The following NXPE4 variants were observed in gnomAD, a reference collection of about 807,000 sequenced individuals.
NXPE4 encodes the protein NXPE family member 4.
In NXPE4, 42 loss-of-function variants were observed where a neutral mutation model predicts 33.3. That is an observed-to-expected ratio of 1.26 (90% CI 0.98 to 1.63). The LOEUF (loss-of-function observed/expected upper bound fraction) is 1.63, where lower values mean the gene tolerates loss of function less well. Ranked by LOEUF, NXPE4 falls within the 40% of genes most tolerant of loss-of-function variation. The probability of loss-of-function intolerance (pLI) is 0.00; values close to 1 mark genes in which losing one functional copy is unlikely to be tolerated. For synonymous variants in NXPE4, 253 were observed against 234.9 expected, an observed-to-expected ratio of 1.08 and a Z score of -0.71; for missense variants, 709 against 647.6, an observed-to-expected ratio of 1.09 and a Z score of -1.03.
At position 114,571,000 on chromosome 11, in the gene NXPE4, C is replaced by T. The variant is rs750428980; in HGVS notation, c.1573G>A (p.Val525Ile). The T allele has an allele frequency of 9.3e-6, 15 of 1,612,814 alleles. No homozygotes were observed. Among genetic ancestry groups the T allele is most frequent in the Admixed American group, 1.7e-5 (1 of 59,948 alleles). The change falls in exon 6 of 6, where the codon GTA becomes ATA. Residue 525 changes from valine to isoleucine, a missense_variant. Coordinates refer to ENST00000375478, the MANE Select transcript of NXPE4 (RefSeq NM_001077639.2). ...DITIAYGTNN[V>I]HPPQHVVGNQ... ...CCGACTACATGTTGAGGTGGGTGTA[C>T]ATTATTTGTGCCATATGCAATTGTT...
the NXPE4 span, among the ~76,000 whole-genome samples, chr11:114,626,386 T>C: frequency 6.6e-6 from 1 of 152,158 alleles, no homozygotes; most frequent in Non-Finnish European, 1.5e-5. Flanking sequence ...CCGAGCAGCC[T>C]AACTGGGAGG....
the NXPE4 span, among the ~76,000 whole-genome samples, chr11:114,620,853 C>A: frequency 6.6e-6 from 1 of 151,990 alleles, no homozygotes; most frequent in Non-Finnish European, 1.5e-5. Context: ...TTGTGGGTAA[C>A]CACTGTTACC....
At chr11:114,619,828 GT>G in the NXPE4 span, among the ~76,000 whole-genome samples, 1 of 151,262 alleles carries the variant, frequency 6.6e-6, no homozygotes, top group Non-Finnish European at 1.5e-5. Context: ...TATAATAAGT[GT>G]TGCCTCGTTG....
chr11:114,622,331 A>G, the NXPE4 span, among the ~76,000 whole-genome samples: 6 of 150,624 alleles, frequency 4.0e-5, no homozygotes, highest in African/African-American at 1.2e-4. Flanking sequence ...CTGTTACCCA[A>G]TGCATCATAA....
At chr11:114,627,668 A>C in the NXPE4 span, among the ~76,000 whole-genome samples, 2 of 151,900 alleles carry the variant, frequency 1.3e-5, no homozygotes, top group African/African-American at 4.8e-5. Context: ...CACACATAAC[A>C]ATATTAACTT....
the NXPE4 span, among the ~76,000 whole-genome samples, chr11:114,609,860 G>A: frequency 2.0e-5 from 3 of 151,478 alleles, no homozygotes; most frequent in Non-Finnish European, 2.9e-5. Flanking sequence ...ATTGCCTCGC[G>A]GGTAACCACT....
At chr11:114,623,149 G>A in the NXPE4 span, among the ~76,000 whole-genome samples, 1 of 152,064 alleles carries the variant, frequency 6.6e-6, no homozygotes, top group Non-Finnish European at 1.5e-5. Flanking sequence ...TGCCTTGTGG[G>A]TAACCAGTGT....
upstream of NXPE4, among the ~76,000 whole-genome samples, chr11:114,596,020 T>C (rs1245882744): frequency 2.6e-5 from 4 of 152,262 alleles, no homozygotes; most frequent in Admixed American, 6.5e-5. Flanking sequence ...ATAGTTACAA[T>C]AAATAACTGA....
At chr11:114,663,777 C>G in the NXPE4 span, among the ~76,000 whole-genome samples, 1 of 151,638 alleles carries the variant, frequency 6.6e-6, no homozygotes, top group African/African-American at 2.4e-5. Context: ...AAAAAATAGC[C>G]AAAATTTAAA....
At chr11:114,627,084 G>A in the NXPE4 span, among the ~76,000 whole-genome samples, 3 of 151,952 alleles carry the variant, frequency 2.0e-5, no homozygotes, top group Non-Finnish European at 4.4e-5. Context: ...AACCAAGTTG[G>A]AAAACACTCT....
Position 114,571,491 on chromosome 11 carries a change from A to G in NXPE4, c.1100-18T>C. The G allele has an allele frequency of 6.4e-7, 1 of 1,566,272 alleles. No individual in the cohort carries two copies. Among genetic ancestry groups the G allele is most frequent in the Non-Finnish European group, 8.7e-7 (1 of 1,154,444 alleles). On this transcript the variant is annotated intron_variant, in intron 5 of 5. Transcript: ENST00000375478. ...CTTCAGTGCTGATAACAAATAGGCA[A>G]TCCCAAAATAAAAGGAGGATATAGT...
chr11:114,602,412 G>A, the NXPE4 span, among the ~76,000 whole-genome samples: 129,672 of 129,672 alleles, frequency 1, 64,836 homozygotes, highest in Non-Finnish European at 1. Flanking sequence ...ATACACTATT[G>A]AACATATCAA....
At chr11:114,674,090 AAAACAAAC>A in the NXPE4 span, among the ~76,000 whole-genome samples, 969 of 131,888 alleles carry the variant, frequency 7.3e-3, 7 homozygotes, top group South Asian at 0.018. Context: ...ACATTGTTTA[AAAACAAAC>A]AAACAAACAA....
chr11:114,672,659 A>T, the NXPE4 span, among the ~76,000 whole-genome samples: 4 of 151,902 alleles, frequency 2.6e-5, no homozygotes, highest in Admixed American at 2.6e-4. Context: ...CAATAATATG[A>T]AAGATGAGGT....
the NXPE4 span, among the ~76,000 whole-genome samples, chr11:114,641,288 A>G: frequency 6.6e-5 from 10 of 152,034 alleles, no homozygotes; most frequent in African/African-American, 2.4e-4. Flanking sequence ...TAAAAATTCC[A>G]GAAAGGTAGT....
the NXPE4 span, among the ~76,000 whole-genome samples, chr11:114,620,749 TA>T: frequency 6.6e-6 from 1 of 152,098 alleles, no homozygotes; most frequent in Non-Finnish European, 1.5e-5. Context: ...CGATGTATAA[TA>T]AGTATTGCCT....
intron 5 of NXPE4, among the ~76,000 whole-genome samples, chr11:114,572,296 T>C (rs1215363587): frequency 2.6e-5 from 4 of 152,038 alleles, no homozygotes; most frequent in Non-Finnish European, 4.4e-5. Context: ...TCTGGTAATA[T>C]GACAAAACAA....
upstream of NXPE4, among the ~76,000 whole-genome samples, chr11:114,599,737 A>T (rs1359660579): frequency 6.6e-6 from 1 of 152,020 alleles, no homozygotes; most frequent in African/African-American, 2.4e-5. Context: ...AAACAACAAG[A>T]TCTTGTGAGA....
In NXPE4 at chr11:114,580,242, C is replaced by A. The variant is rs376776586; in HGVS notation, c.989G>T (p.Cys330Phe). Reference sequence around the variant, plus strand: ...CTTCATTTTGACTGTAGCCAAACTACAGGAGACAGGATTCCATGTGTTTCT... The same window carrying A: ...CTTCATTTTGACTGTAGCCAAACTAAAGGAGACAGGATTCCATGTGTTTCT... ...VWRNTWNPVSCSLATVKMKEC... is the reference protein window; with the variant it reads ...VWRNTWNPVSFSLATVKMKEC... The change falls in exon 5 of 6, where the codon TGT becomes TTT. Residue 330 changes from cysteine to phenylalanine, a missense_variant. Cys to Phe is a radical substitution (Grantham distance 205). Coordinates refer to ENST00000375478, the MANE Select transcript of NXPE4 (RefSeq NM_001077639.2). 1 of 1,613,962 alleles carries A rather than the reference C, an allele frequency of 6.2e-7. No individual in the cohort carries two copies. The highest frequency in any genetic ancestry group is 2.2e-5 in the East Asian group (1 of 44,862).
Sources: gnomAD v4.1 joint callset for allele counts (sites outside exome capture counted in the v4.1 genomes callset) on GRCh38, gnomAD v4.1.1 for gene constraint, MANE v1.5 for transcripts, NCBI Gene and HGNC (gene_info 2026-07-23, HGNC 2026-07-21) for gene names.